Variants in DPP10 observed in about 807,000 individuals in gnomAD.
The protein encoded by DPP10 is inactive dipeptidyl peptidase 10.
DPP10 carries 33 observed loss-of-function variants against 120.9 expected under a neutral mutation model. The observed-to-expected ratio is 0.27, with a 90% CI of 0.21 to 0.37. DPP10 has a LOEUF of 0.37. Among genes scored for constraint, DPP10 ranks in the 10% least tolerant of loss-of-function variants. DPP10 has a pLI of 1.00. For missense variants in DPP10, 816 were observed against 942.8 expected, an observed-to-expected ratio of 0.87 and a Z score of 1.76; for synonymous variants, 337 against 326.1, an observed-to-expected ratio of 1.03 and a Z score of -0.36.
intron 1 of DPP10, among the ~76,000 whole-genome samples, chr2:114,603,221 C>T (rs893554431): frequency 5.3e-5 from 8 of 151,972 alleles, no homozygotes; most frequent in Non-Finnish European, 8.8e-5. Context: ...ACATGCATAT[C>T]TCATTTTAAT....
At chr2:114,633,698 C>G (rs1202201799) in intron 1 of DPP10, among the ~76,000 whole-genome samples, 1 of 151,704 alleles carries the variant, frequency 6.6e-6, no homozygotes, top group Non-Finnish European at 1.5e-5. Context: ...ACTGCAACCT[C>G]CGCCTCCTGA....
intron 3 of DPP10, among the ~76,000 whole-genome samples, chr2:115,393,042 G>A (rs528505908): frequency 2.5e-4 from 38 of 152,174 alleles, no homozygotes; most frequent in African/African-American, 8.7e-4. Flanking sequence ...GCTGGGTGCG[G>A]TGGCTCATAC....
rs947587590 is a variant in DPP10, at chr2:114,834,957, C to A, written c.60+392119C>A. On this transcript the variant is annotated intron_variant, in intron 1 of 25. Coordinates refer to ENST00000410059, the MANE Select transcript of DPP10 (RefSeq NM_020868.6). The stretch of plus-strand genomic sequence containing the variant: ...ATCTACACACCTATGTATATATAAG[C>A]CATATCTACACACCTATGTATATAA... 4.0e-4 allele frequency among the ~76,000 whole-genome samples: 55 copies of A among 137,124 alleles called. 3 individuals are homozygous for A. The highest frequency in any genetic ancestry group is 5.9e-4 in the African/African-American group (20 of 33,828). The allele number at this position is 137,124 out of a possible 152,430, so 90.0% of individuals were successfully genotyped here.
At chr2:114,937,590 G>GT (rs1164030802) in intron 1 of DPP10, among the ~76,000 whole-genome samples, 2 of 152,114 alleles carry the variant, frequency 1.3e-5, no homozygotes, top group Non-Finnish European at 2.9e-5. Context: ...ACTTTCTCTT[G>GT]TGGCACTGGT....
At chr2:114,783,187 C>T (rs1429635664) in intron 1 of DPP10, among the ~76,000 whole-genome samples, 1 of 152,052 alleles carries the variant, frequency 6.6e-6, no homozygotes, top group African/African-American at 2.4e-5. Flanking sequence ...AGATCTGTAA[C>T]TCACTTATTG....
intron 5 of DPP10, among the ~76,000 whole-genome samples, chr2:115,606,935 G>A (rs1400327939): frequency 6.6e-6 from 1 of 152,162 alleles, no homozygotes; most frequent in Admixed American, 6.5e-5. Context: ...TTCCTCTCCT[G>A]CCTTGATGAG....
At chr2:114,738,269 C>A (rs747745611) in intron 1 of DPP10, among the ~76,000 whole-genome samples, 1 of 152,184 alleles carries the variant, frequency 6.6e-6, no homozygotes, top group Non-Finnish European at 1.5e-5. Context: ...CAGTACTCAA[C>A]TCAGTGCTTG....
At chr2:115,082,097 T>A (rs1708319346) in intron 1 of DPP10, among the ~76,000 whole-genome samples, 1 of 152,224 alleles carries the variant, frequency 6.6e-6, no homozygotes, top group African/African-American at 2.4e-5. Context: ...TTTTATCAGC[T>A]TTTTTAGTTG....
chr2:115,414,926 A>G lies in DPP10; in HGVS notation c.271+71014A>G, dbSNP rs77011748. Reference sequence around the variant, plus strand: ...CACTACTGTTGACCCCAATATCTCAATTTCCACGGAGAAACCATATTTGTT... The same window carrying G: ...CACTACTGTTGACCCCAATATCTCAGTTTCCACGGAGAAACCATATTTGTT... On this transcript the variant is annotated intron_variant, in intron 3 of 25. Transcript: ENST00000410059. Among the ~76,000 whole-genome samples, 252 of 152,200 alleles carry G rather than the reference A, an allele frequency of 1.7e-3. 1 individual carries two copies. Among genetic ancestry groups the G allele is most frequent in the African/African-American group, 4.9e-3 (205 of 41,552 alleles).
intron 1 of DPP10, among the ~76,000 whole-genome samples, chr2:114,750,626 C>G (rs548348640): frequency 1.3e-5 from 2 of 152,260 alleles, no homozygotes; most frequent in South Asian, 4.1e-4. Context: ...AGCCACCGCT[C>G]CCAGCCACAT....
At chr2:114,499,338 A>G (rs745432382) in intron 1 of DPP10, among the ~76,000 whole-genome samples, 14 of 152,212 alleles carry the variant, frequency 9.2e-5, no homozygotes, top group Non-Finnish European at 1.9e-4. Flanking sequence ...TAGAATGTGT[A>G]GATGCATTTT....
At chr2:114,788,690 T>C (rs1295670194) in intron 1 of DPP10, among the ~76,000 whole-genome samples, 3 of 152,236 alleles carry the variant, frequency 2.0e-5, no homozygotes, top group African/African-American at 7.2e-5. Context: ...GTTTATACAA[T>C]AGTATTATAA....
At chr2:115,387,187 T>C (rs2067003793) in intron 3 of DPP10, among the ~76,000 whole-genome samples, 1 of 152,128 alleles carries the variant, frequency 6.6e-6, no homozygotes, top group Non-Finnish European at 1.5e-5. Flanking sequence ...ACCTGTGTTT[T>C]TCAGCACCAC....
chr2:115,627,497 G>A lies in DPP10; in HGVS notation c.442-62190G>A, dbSNP rs548841581. 2.0e-5 allele frequency among the ~76,000 whole-genome samples: 3 copies of A among 152,218 alleles called. No homozygotes were observed. The East Asian group carries it at 5.8e-4, about 29-fold the overall frequency. On this transcript the variant is annotated intron_variant, in intron 5 of 25. Transcript: ENST00000410059. ...CAGTACTCATGGGAGGATGTGGTTG[G>A]TTTAGTTATTTTTTTATTTTAAAAT... is the stretch of plus-strand genomic sequence containing the variant.
intron 11 of DPP10, 58 bp downstream of exon 11, chr2:115,753,355 A>C: frequency 6.7e-7 from 1 of 1,488,870 alleles, no homozygotes; most frequent in Non-Finnish European, 9.0e-7. Context: ...GCAGCTTTAC[A>C]AAGGGGAAAC....
chr2:115,537,088 T>C (rs760458177), intron 5 of DPP10, among the ~76,000 whole-genome samples: 4 of 151,076 alleles, frequency 2.6e-5, no homozygotes, highest in Non-Finnish European at 5.9e-5. Flanking sequence ...AGAAATAATA[T>C]CATGTTCTCA....
At chr2:115,818,699 G>A (rs950881192) in intron 21 of DPP10, among the ~76,000 whole-genome samples, 19 of 152,166 alleles carry the variant, frequency 1.2e-4, no homozygotes, top group African/African-American at 4.3e-4. Flanking sequence ...GGGCCGAGAC[G>A]ATAGAGGATC....
Position 115,079,469 on chromosome 2 carries a change from G to A in DPP10, c.61-229770G>A, listed in dbSNP as rs542688669. Among the ~76,000 whole-genome samples the A allele has an allele frequency of 1.2e-3, 178 of 152,296 alleles. 1 individual carries two copies. Among genetic ancestry groups the A allele is most frequent in the African/African-American group, 3.4e-3 (141 of 41,562 alleles). ...AGTGTTGCCTGCTATGCATGGGAAC[G>A]TTAGCAGAACACTCTGGGAGGCCCA... is the stretch of plus-strand genomic sequence containing the variant. On this transcript the variant is annotated intron_variant, in intron 1 of 25. Coordinates refer to ENST00000410059, the MANE Select transcript of DPP10 (RefSeq NM_020868.6).
At chr2:115,789,747 T>G (rs1683734154) in intron 17 of DPP10, among the ~76,000 whole-genome samples, 1 of 152,112 alleles carries the variant, frequency 6.6e-6, no homozygotes, top group Admixed American at 6.5e-5. Flanking sequence ...CTATTGAAAA[T>G]AAGTGAATTT....
Sources: gnomAD v4.1 joint callset for allele counts (sites outside exome capture counted in the v4.1 genomes callset) on GRCh38, gnomAD v4.1.1 for gene constraint, MANE v1.5 for transcripts, NCBI Gene and HGNC (gene_info 2026-07-23, HGNC 2026-07-21) for gene names.